The following RAB3B variants were observed in gnomAD, a reference collection of about 807,000 sequenced individuals.
RAB3B encodes the protein RAB3B, member RAS oncogene family, also known as ras-related protein Rab-3B.
In RAB3B, 11 loss-of-function variants were observed where a neutral mutation model predicts 20.5. That is an observed-to-expected ratio of 0.54 (90% CI 0.34 to 0.89). RAB3B has a LOEUF of 0.89. Among genes scored for constraint, RAB3B ranks in the 40% least tolerant of loss-of-function variants. The probability of loss-of-function intolerance (pLI) is 0.02; values close to 1 mark genes in which losing one functional copy is unlikely to be tolerated. For missense variants in RAB3B, 225 were observed against 280.9 expected, an observed-to-expected ratio of 0.80 and a Z score of 1.42; for synonymous variants, 99 against 106.3, an observed-to-expected ratio of 0.93 and a Z score of 0.42.
intron 1 of RAB3B, among the ~76,000 whole-genome samples, 185 bp from the exon 2 acceptor site, chr1:51,977,302 G>A (rs1685024050): frequency 1.3e-5 from 2 of 152,192 alleles, no homozygotes; most frequent in Non-Finnish European, 2.9e-5. Flanking sequence ...GCACTGAGGT[G>A]GAACCCAGCT....
intron 2 of RAB3B, among the ~76,000 whole-genome samples, chr1:51,953,168 T>C (rs942875089): frequency 1.3e-5 from 2 of 152,166 alleles, no homozygotes; most frequent in Non-Finnish European, 2.9e-5. Context: ...CATGGACAAA[T>C]TTAGCATCAG....
intron 1 of RAB3B, among the ~76,000 whole-genome samples, chr1:51,982,734 G>T (rs571018476): frequency 6.6e-6 from 1 of 151,590 alleles, no homozygotes; most frequent in South Asian, 2.1e-4. Context: ...GGGTGACAGA[G>T]CAAGACTCAA....
chr1:51,971,206 A>T (rs1684928815), intron 2 of RAB3B, among the ~76,000 whole-genome samples: 1 of 151,792 alleles, frequency 6.6e-6, no homozygotes, highest in Non-Finnish European at 1.5e-5. Flanking sequence ...AGTCATAAAA[A>T]TGAAGTGATT....
At chr1:51,938,253 T>A (rs1390791730) in intron 2 of RAB3B, among the ~76,000 whole-genome samples, 1 of 152,110 alleles carries the variant, frequency 6.6e-6, no homozygotes, top group Non-Finnish European at 1.5e-5. Flanking sequence ...GGAACTTGGT[T>A]TAGCCTTTCT....
chr1:51,928,105 G>A (rs1238860155), intron 4 of RAB3B, among the ~76,000 whole-genome samples: 1 of 151,938 alleles, frequency 6.6e-6, no homozygotes, highest in East Asian at 1.9e-4. Flanking sequence ...ACAACACACA[G>A]CTTTTTTTTT....
At chr1:51,931,438 C>T (rs1684322267) in intron 4 of RAB3B, among the ~76,000 whole-genome samples, 1 of 152,126 alleles carries the variant, frequency 6.6e-6, no homozygotes, top group African/African-American at 2.4e-5. Flanking sequence ...CTTATTCAGA[C>T]CAGGAAATGT....
chr1:51,984,263 T>TAAAA lies in RAB3B; in HGVS notation c.-1+6285_-1+6288dup, dbSNP rs1166997647. ...CAGGCAACAGTGGAGACTCTCTAAT[T>TAAAA]AAAAAAAAAAAAAAAAAAAAAAAAA... On this transcript the variant is annotated intron_variant, in intron 1 of 4. Coordinates refer to ENST00000371655, the MANE Select transcript of RAB3B (RefSeq NM_002867.4). Among the ~76,000 whole-genome samples, 14 of 20,676 alleles carry TAAAA rather than the reference T, an allele frequency of 6.8e-4. 1 individual carries two copies. The highest frequency in any genetic ancestry group is 2.2e-3 in the African/African-American group (12 of 5,566). The allele number at this position is 20,676 out of a possible 152,430, so 13.6% of individuals were successfully genotyped here.
intron 1 of RAB3B, among the ~76,000 whole-genome samples, chr1:51,989,985 A>G (rs1317855978): frequency 4.2e-5 from 1 of 23,614 alleles, no homozygotes; most frequent in African/African-American, 1.8e-4. Flanking sequence ...ACCCTCTCCC[A>G]ACCAGACACT....
Position 51,949,195 on chromosome 1 carries a change from G to A in RAB3B, c.229-11783C>T, listed in dbSNP as rs372424962. ...TAACTACTTGTGGTTTCCCAAACAC[G>A]CAGCTCCTTCGCACCCCTGGGCCTT... On this transcript the variant is annotated intron_variant, in intron 2 of 4. Coordinates refer to ENST00000371655, the MANE Select transcript of RAB3B (RefSeq NM_002867.4). Among the ~76,000 whole-genome samples the A allele has an allele frequency of 3.5e-4, 54 of 152,256 alleles. No individual in the cohort carries two copies. In the East Asian group the frequency reaches 6.2e-3, roughly 17 times the overall value.
At chr1:51,952,468 A>AT (rs1684654036) in intron 2 of RAB3B, among the ~76,000 whole-genome samples, 1 of 151,644 alleles carries the variant, frequency 6.6e-6, no homozygotes, top group African/African-American at 2.4e-5. Context: ...TGTATGTGGC[A>AT]TATCTTAGGT....
intron 4 of RAB3B, among the ~76,000 whole-genome samples, chr1:51,923,769 T>G (rs1488255594): frequency 6.6e-6 from 1 of 150,588 alleles, no homozygotes; most frequent in Non-Finnish European, 1.5e-5. Flanking sequence ...TGCTAGTGGC[T>G]CAAGCCTGGA....
At chr1:51,949,095 G>A (rs377234369) in intron 2 of RAB3B, among the ~76,000 whole-genome samples, 4 of 152,116 alleles carry the variant, frequency 2.6e-5, no homozygotes, top group African/African-American at 9.7e-5. Context: ...GACCCTTCAG[G>A]ATCTAGCTCA....
intron 2 of RAB3B, among the ~76,000 whole-genome samples, chr1:51,948,603 G>A (rs1056718581): frequency 3.9e-5 from 6 of 152,144 alleles, no homozygotes; most frequent in Admixed American, 6.5e-5. Flanking sequence ...GTTCTGAAGC[G>A]GAAGAGGCCC....
intron 1 of RAB3B, among the ~76,000 whole-genome samples, chr1:51,986,199 G>A (rs913089888): frequency 6.7e-6 from 1 of 149,596 alleles, no homozygotes; most frequent in Non-Finnish European, 1.5e-5. Context: ...CGCCCAGGCT[G>A]GAGGGCAGTG....
intron 2 of RAB3B, among the ~76,000 whole-genome samples, chr1:51,971,622 T>C (rs1684936931): frequency 6.6e-6 from 1 of 151,680 alleles, no homozygotes; most frequent in Non-Finnish European, 1.5e-5. Context: ...TTAGTAAAGG[T>C]GGGGTTTCAC....
intron 4 of RAB3B, among the ~76,000 whole-genome samples, chr1:51,922,059 C>T (rs1241032226): frequency 6.6e-6 from 1 of 152,196 alleles, no homozygotes; most frequent in Non-Finnish European, 1.5e-5. Context: ...GAAGTGCCTG[C>T]TAATTGTGGA....
intron 1 of RAB3B, among the ~76,000 whole-genome samples, chr1:51,989,832 C>A (rs113246021): frequency 1.6e-3 from 232 of 141,464 alleles, no homozygotes; most frequent in African/African-American, 5.6e-3. Flanking sequence ...TCTACAGTTA[C>A]CCCCACGCCG....
intron 1 of RAB3B, among the ~76,000 whole-genome samples, chr1:51,979,253 T>C (rs1433596652): frequency 6.6e-6 from 1 of 151,398 alleles, no homozygotes; most frequent in Non-Finnish European, 1.5e-5. Context: ...GAACTTGCCA[T>C]GTAAAGGCAT....
intron 2 of RAB3B, among the ~76,000 whole-genome samples, chr1:51,939,614 G>A (rs865804636): frequency 2.4e-4 from 36 of 152,054 alleles, no homozygotes; most frequent in African/African-American, 6.0e-4. Context: ...AGGATGTCAC[G>A]CTGTCATCCA....
Sources: gnomAD v4.1 joint callset for allele counts (sites outside exome capture counted in the v4.1 genomes callset) on GRCh38, gnomAD v4.1.1 for gene constraint, MANE v1.5 for transcripts, NCBI Gene and HGNC (gene_info 2026-07-23, HGNC 2026-07-21) for gene names.